The following SLC1A2 variants were observed in gnomAD, a reference collection of about 807,000 sequenced individuals.
SLC1A2 encodes the protein excitatory amino acid transporter 2.
In SLC1A2, 15 loss-of-function variants were observed where a neutral mutation model predicts 48.8. The ratio of observed to expected loss-of-function variants is 0.31; its 90% CI spans 0.21 to 0.47. The LOEUF is 0.47. Ranked by LOEUF, SLC1A2 falls within the 20% of genes least tolerant of loss-of-function variation. The probability of loss-of-function intolerance (pLI) is 0.99; values close to 1 mark genes in which losing one functional copy is unlikely to be tolerated. For missense variants in SLC1A2, 502 were observed against 730.5 expected, an observed-to-expected ratio of 0.69 and a Z score of 3.61; for synonymous variants, 279 against 272.6, an observed-to-expected ratio of 1.02 and a Z score of -0.23.
chr11:35,330,704 A>G (rs988090186), intron 1 of SLC1A2, among the ~76,000 whole-genome samples: 2 of 152,212 alleles, frequency 1.3e-5, no homozygotes, highest in Non-Finnish European at 2.9e-5. Flanking sequence ...GAAGGATGGC[A>G]GCATGACAAA....
intron 1 of SLC1A2, among the ~76,000 whole-genome samples, chr11:35,351,418 C>T (rs1853247254): frequency 6.6e-6 from 1 of 152,178 alleles, no homozygotes; most frequent in African/African-American, 2.4e-5. Context: ...CAGACCAGAG[C>T]ACTTTCCTAC....
intron 7 of SLC1A2, among the ~76,000 whole-genome samples, chr11:35,290,035 A>T (rs771823469): frequency 2.0e-5 from 3 of 152,236 alleles, no homozygotes; most frequent in Non-Finnish European, 4.4e-5. Flanking sequence ...CTTTTCACCC[A>T]ATAGGACTGG....
chr11:35,391,269 T>A (rs1686012844), intron 1 of SLC1A2: 1 of 152,242 alleles, frequency 6.6e-6, no homozygotes, highest in Non-Finnish European at 1.5e-5. Context: ...AAGCCTACAA[T>A]ATGCACTATC....
At chr11:35,281,764 G>A (rs1179231144) in intron 8 of SLC1A2, 3 of 151,954 alleles carry the variant, frequency 2.0e-5, no homozygotes, top group Non-Finnish European at 4.4e-5. Context: ...CTGACACCAG[G>A]GAGTCTCTGT....
chr11:35,397,483 A>G (rs573299813), intron 1 of SLC1A2, among the ~76,000 whole-genome samples: 71 of 150,622 alleles, frequency 4.7e-4, no homozygotes, highest in African/African-American at 1.5e-3. Flanking sequence ...CATATGTAGA[A>G]AGCTGAAACT....
intron 7 of SLC1A2, among the ~76,000 whole-genome samples, chr11:35,288,912 CT>C (rs1028269247): frequency 6.6e-6 from 1 of 151,972 alleles, no homozygotes; most frequent in Non-Finnish European, 1.5e-5. Flanking sequence ...ACTGGACAGG[CT>C]TTTTGTCTTA....
At chr11:35,262,138 C>T (rs1369750624) in intron 10 of SLC1A2, among the ~76,000 whole-genome samples, 1 of 152,092 alleles carries the variant, frequency 6.6e-6, no homozygotes, top group Admixed American at 6.6e-5. Flanking sequence ...AATTTGTTTC[C>T]CTTTCAGTGA....
intron 8 of SLC1A2, among the ~76,000 whole-genome samples, chr11:35,284,857 C>G (rs999397701): frequency 6.6e-6 from 1 of 152,194 alleles, no homozygotes; most frequent in Non-Finnish European, 1.5e-5. Context: ...GGTCCCTGAG[C>G]TTGGACTTTT....
chr11:35,330,721 G>A (rs191337659), intron 1 of SLC1A2, among the ~76,000 whole-genome samples: 195 of 152,302 alleles, frequency 1.3e-3, no homozygotes, highest in African/African-American at 4.4e-3. Context: ...CAAAGACACA[G>A]CCCAATGTTG....
At chr11:35,346,954 G>A (rs1213087095) in intron 1 of SLC1A2, among the ~76,000 whole-genome samples, 1 of 152,234 alleles carries the variant, frequency 6.6e-6, no homozygotes, top group Non-Finnish European at 1.5e-5. Flanking sequence ...AAGGGGACTG[G>A]AAAGATAAAT....
intron 1 of SLC1A2, among the ~76,000 whole-genome samples, chr11:35,336,074 C>T (rs559444583): frequency 6.6e-6 from 1 of 150,492 alleles, no homozygotes; most frequent in South Asian, 2.1e-4. Context: ...GAACAGAAAA[C>T]CAAACACCAC....
intron 1 of SLC1A2, chr11:35,390,857 G>T (rs763348227): frequency 2.0e-5 from 3 of 152,156 alleles, no homozygotes; most frequent in Admixed American, 2.0e-4. Flanking sequence ...GTAGAGAAAG[G>T]GTTTCTCCAT....
At chr11:35,417,244 A>C (rs538633274) in intron 1 of SLC1A2, among the ~76,000 whole-genome samples, 1 of 152,372 alleles carries the variant, frequency 6.6e-6, no homozygotes, top group Non-Finnish European at 1.5e-5. Flanking sequence ...CTTTGGCTCT[A>C]CATTGAATGT....
chr11:35,289,091 T>C (rs1850913581), intron 7 of SLC1A2, among the ~76,000 whole-genome samples: 1 of 152,216 alleles, frequency 6.6e-6, no homozygotes, highest in African/African-American at 2.4e-5. Context: ...AAATGCTTCT[T>C]TTGTTTTTTA....
chr11:35,390,091 C>T (rs903122747), intron 1 of SLC1A2, among the ~76,000 whole-genome samples: 5 of 152,154 alleles, frequency 3.3e-5, no homozygotes, highest in Admixed American at 6.6e-5. Context: ...GATGTTTATT[C>T]GGTCAACAGC....
intron 6 of SLC1A2, among the ~76,000 whole-genome samples, chr11:35,294,566 A>T (rs1362395624): frequency 6.6e-6 from 1 of 152,220 alleles, no homozygotes; most frequent in African/African-American, 2.4e-5. Flanking sequence ...TTATCTTCAT[A>T]AAACAAGAGA....
chr11:35,368,677 T>G (rs1853943560), intron 1 of SLC1A2, among the ~76,000 whole-genome samples: 1 of 152,228 alleles, frequency 6.6e-6, no homozygotes, highest in Non-Finnish European at 1.5e-5. Flanking sequence ...TCCTGTTTTA[T>G]TTTTCCTAGC....
chr11:35,395,581 G>A (rs1854925963), intron 1 of SLC1A2, among the ~76,000 whole-genome samples: 1 of 152,024 alleles, frequency 6.6e-6, no homozygotes, highest in African/African-American at 2.4e-5. Context: ...ATACTGGGTG[G>A]GAAGAAGCAA....
At chr11:35,273,565 C>T (rs1850348736) in intron 9 of SLC1A2, among the ~76,000 whole-genome samples, 2 of 152,208 alleles carry the variant, frequency 1.3e-5, no homozygotes, top group Admixed American at 1.3e-4. Context: ...CCAGAAGAAG[C>T]TTCTCATTAT....
Sources: gnomAD v4.1 joint callset for allele counts (sites outside exome capture counted in the v4.1 genomes callset) on GRCh38, gnomAD v4.1.1 for gene constraint, MANE v1.5 for transcripts, NCBI Gene and HGNC (gene_info 2026-07-23, HGNC 2026-07-21) for gene names.